The following COG5 variants were observed in gnomAD, a reference collection of about 807,000 sequenced individuals.
The protein encoded by COG5 is conserved oligomeric Golgi complex subunit 5.
In COG5, 86 loss-of-function variants were observed where a neutral mutation model predicts 110.4. The observed-to-expected ratio is 0.78, with a 90% CI of 0.65 to 0.93. The LOEUF is 0.93. Ranked by LOEUF, COG5 falls within the 40% of genes least tolerant of loss-of-function variation. The probability of loss-of-function intolerance (pLI) is 0.00; values close to 1 mark genes in which losing one functional copy is unlikely to be tolerated. For synonymous variants in COG5, 360 were observed against 334.6 expected (o/e 1.08, Z -0.83); for missense variants, 1,077 against 987.0 (o/e 1.09, Z -1.22).
At chr7:107,493,839 A>G (rs1270445934) in intron 6 of COG5, among the ~76,000 whole-genome samples, 1 of 152,206 alleles carries the variant, frequency 6.6e-6, no homozygotes, top group Non-Finnish European at 1.5e-5. Context: ...TTTGGCAAAA[A>G]GAAAGAACAA....
intron 8 of COG5, among the ~76,000 whole-genome samples, chr7:107,366,199 C>T (rs1431129527): frequency 1.3e-5 from 2 of 151,646 alleles, no homozygotes; most frequent in East Asian, 1.9e-4. Flanking sequence ...TTATAATAAA[C>T]GAGAGTGAAA....
intron 7 of COG5, among the ~76,000 whole-genome samples, chr7:107,373,784 T>A (rs1814395022): frequency 6.6e-6 from 1 of 152,180 alleles, no homozygotes; most frequent in African/African-American, 2.4e-5. Context: ...CAAAATCCTC[T>A]CACGCATTAG....
intron 11 of COG5, among the ~76,000 whole-genome samples, chr7:107,303,329 G>A (rs1430413210): frequency 1.3e-5 from 2 of 152,082 alleles, no homozygotes; most frequent in African/African-American, 4.8e-5. Flanking sequence ...CTCAGCAAAT[G>A]TGATTGATTA....
At chr7:107,553,605 G>A (rs1394219477) in intron 3 of COG5, among the ~76,000 whole-genome samples, 2 of 152,020 alleles carry the variant, frequency 1.3e-5, no homozygotes, top group Non-Finnish European at 2.9e-5. Flanking sequence ...AAACACAATA[G>A]TAACATTTCA....
chr7:107,489,159 C>T (rs577083893), intron 6 of COG5, among the ~76,000 whole-genome samples: 3 of 152,238 alleles, frequency 2.0e-5, no homozygotes, highest in Non-Finnish European at 4.4e-5. Context: ...GTTAAAACTG[C>T]AGGGACCATT....
intron 14 of COG5, among the ~76,000 whole-genome samples, chr7:107,278,103 T>C (rs1048245172): frequency 1.4e-4 from 21 of 152,166 alleles, no homozygotes; most frequent in Admixed American, 1.0e-3. Context: ...TTTCAGATTA[T>C]GAAAAGCTGT....
In COG5 at chr7:107,203,451, A is replaced by G. The variant is rs1432247292; in HGVS notation, c.*65T>C. 2.9e-5 allele frequency: 29 copies of G among 999,494 alleles called. 2 individuals carry two copies. Among genetic ancestry groups the G allele is most frequent in the Non-Finnish European group, 1.6e-6 (1 of 619,412 alleles). 61.9% of individuals were successfully genotyped at this position (999,494 alleles called of 1,614,324 possible). On this transcript the variant is annotated 3_prime_UTR_variant, in exon 22 of 22. Coordinates refer to ENST00000297135, the MANE Select transcript of COG5 (RefSeq NM_006348.5). ...GTAGATAGTAGCAGTCTTTTGGAGT[A>G]TGTGTTTAACTGCCAACTATGAATG...
chr7:107,510,849 A>G (rs553635360), intron 6 of COG5, among the ~76,000 whole-genome samples: 2,000 of 152,280 alleles, frequency 0.013, 50 homozygotes, highest in African/African-American at 0.045. Context: ...AAACCAACGG[A>G]AACAAAGACA....
intron 17 of COG5, among the ~76,000 whole-genome samples, chr7:107,247,149 A>G (rs759787042): frequency 1.3e-5 from 2 of 152,174 alleles, no homozygotes; most frequent in Non-Finnish European, 2.9e-5. Context: ...GTTCTCACTT[A>G]TAAGTGGGAT....
chr7:107,363,724 A>C (rs1053958387), intron 8 of COG5, among the ~76,000 whole-genome samples: 1 of 152,174 alleles, frequency 6.6e-6, no homozygotes, highest in Non-Finnish European at 1.5e-5. Flanking sequence ...TGAGAGGCCA[A>C]GGTGGACGGA....
intron 11 of COG5, among the ~76,000 whole-genome samples, chr7:107,322,831 G>T (rs1013535386): frequency 6.6e-6 from 1 of 151,714 alleles, no homozygotes; most frequent in African/African-American, 2.4e-5. Flanking sequence ...CTGCAGAATG[G>T]ATAAAAAATT....
chr7:107,383,740 A>AC (rs1331188133), intron 7 of COG5, among the ~76,000 whole-genome samples: 1 of 151,912 alleles, frequency 6.6e-6, no homozygotes, highest in Non-Finnish European at 1.5e-5. Flanking sequence ...TTCAGTCTGT[A>AC]CCCCTTTCTA....
rs753179896 is a variant in COG5, at chr7:107,210,574, TGA to T, written c.2325_2326del (p.Gln776ValfsTer4). The stretch of plus-strand genomic sequence containing the variant: ...TTCAGATGGATGGTCATCCAGCCAC[TGA>T]GAGAAGCGTGTGTGGGACCACTCTG... On this transcript the variant is annotated frameshift_variant, in exon 21 of 22. Coordinates refer to ENST00000297135, the MANE Select transcript of COG5 (RefSeq NM_006348.5). LOFTEE classifies it high-confidence loss of function. The T allele has an allele frequency of 1.2e-6, 2 of 1,605,366 alleles. No individual in the cohort carries two copies. Among genetic ancestry groups the T allele is most frequent in the Non-Finnish European group, 1.7e-6 (2 of 1,175,966 alleles).
intron 10 of COG5, among the ~76,000 whole-genome samples, chr7:107,327,341 T>C (rs943294907): frequency 1.3e-5 from 2 of 151,894 alleles, no homozygotes; most frequent in Admixed American, 6.6e-5. Flanking sequence ...TTATAACTCC[T>C]AGAAAAAAAA....
intron 18 of COG5, among the ~76,000 whole-genome samples, chr7:107,235,160 G>A (rs1189502722): frequency 6.6e-6 from 1 of 152,166 alleles, no homozygotes; most frequent in Non-Finnish European, 1.5e-5. Context: ...TGTGTTACCT[G>A]TTCCTTTTTT....
chr7:107,257,784 A>C (rs909753803), intron 15 of COG5, among the ~76,000 whole-genome samples: 2 of 152,130 alleles, frequency 1.3e-5, no homozygotes, highest in Non-Finnish European at 2.9e-5. Context: ...AAATGAATAC[A>C]TGTTATCTAT....
At chr7:107,398,787 G>T (rs1791207465) in intron 7 of COG5, among the ~76,000 whole-genome samples, 1 of 152,200 alleles carries the variant, frequency 6.6e-6, no homozygotes, top group Non-Finnish European at 1.5e-5. Flanking sequence ...ATCAAAATTA[G>T]TAATTGCCTG....
intron 8 of COG5, among the ~76,000 whole-genome samples, chr7:107,363,199 GTA>G (rs1279384026): frequency 6.6e-6 from 1 of 152,144 alleles, no homozygotes; most frequent in Non-Finnish European, 1.5e-5. Flanking sequence ...ATAGTAATAA[GTA>G]TATGTAGTGT....
chr7:107,203,367 T>G lies in COG5; in HGVS notation c.*149A>C, dbSNP rs1798497944. 2.9e-6 allele frequency: 2 copies of G among 690,852 alleles called. No individual in the cohort carries two copies. The highest frequency in any genetic ancestry group is 4.2e-5 in the Admixed American group (2 of 47,738). The allele number at this position is 690,852 out of a possible 1,614,324, so 42.8% of individuals were successfully genotyped here. On this transcript the variant is annotated 3_prime_UTR_variant, in exon 22 of 22. Coordinates refer to ENST00000297135, the MANE Select transcript of COG5 (RefSeq NM_006348.5). The stretch of plus-strand genomic sequence containing the variant: ...ATTTTTTATGCTAAAGTATAAGTGC[T>G]AAAGAGGTAAATAAACGTCGATAGG...
Sources: allele counts gnomAD v4.1 joint callset (sites outside exome capture counted in the v4.1 genomes callset), GRCh38; gene constraint gnomAD v4.1.1; transcripts MANE v1.5; gene names NCBI Gene and HGNC (gene_info 2026-07-23, HGNC 2026-07-21).